GRIN2A: variants seen among roughly 807,000 people sequenced by gnomAD.
GRIN2A encodes glutamate ionotropic receptor NMDA type subunit 2A.
Under a neutral mutation model 113.4 loss-of-function variants are expected in GRIN2A, and 22 were observed. That is an observed-to-expected ratio of 0.19 (90% CI 0.14 to 0.28). GRIN2A has a LOEUF of 0.28. GRIN2A is among the 10% of genes least tolerant of loss of function. The pLI is 1.00. For synonymous variants in GRIN2A, 827 were observed against 738.4 expected, an observed-to-expected ratio of 1.12 and a Z score of -1.94; for missense variants, 1,502 against 1,887.0, an observed-to-expected ratio of 0.80 and a Z score of 3.78.
rs545431110 is a variant in GRIN2A, at chr16:10,033,048, G to A, written c.415-94497C>T. Among the ~76,000 whole-genome samples, 3 of 152,270 alleles carry A rather than the reference G, an allele frequency of 2.0e-5. No homozygotes were observed. In the South Asian group the frequency reaches 6.2e-4, roughly 32 times the overall value. On this transcript the variant is annotated intron_variant, in intron 2 of 12. Transcript: ENST00000330684. Reference sequence around the variant, plus strand: ...CAGCTGGTTTGCACCTGTGGGCAAAGTTTGCCCTGCATTCCTGGGCACGTG... The same window carrying A: ...CAGCTGGTTTGCACCTGTGGGCAAAATTTGCCCTGCATTCCTGGGCACGTG...
At chr16:10,069,674 A>G (rs992087152) in intron 2 of GRIN2A, among the ~76,000 whole-genome samples, 2 of 152,270 alleles carry the variant, frequency 1.3e-5, no homozygotes, top group Non-Finnish European at 1.5e-5. Flanking sequence ...AACAAAGTAC[A>G]TCAAGCCCAG....
At position 10,129,920 on chromosome 16, in the gene GRIN2A, G is replaced by A. The variant is rs187840833; in HGVS notation, c.414+50078C>T. Among the ~76,000 whole-genome samples, 29 of 152,374 alleles carry A rather than the reference G, an allele frequency of 1.9e-4. No homozygotes were observed. In the East Asian group the frequency reaches 3.1e-3, roughly 16 times the overall value. On this transcript the variant is annotated intron_variant, in intron 2 of 12. Coordinates refer to ENST00000330684, the MANE Select transcript of GRIN2A (RefSeq NM_001134407.3). ...AATGCAGATTTCATAAGGAGTTGCA[G>A]TGAAGGTAGAAGCATGTTTCATGGA...
intron 2 of GRIN2A, among the ~76,000 whole-genome samples, chr16:10,175,672 G>A (rs1348875689): frequency 1.3e-5 from 2 of 152,120 alleles, no homozygotes; most frequent in East Asian, 3.9e-4. Context: ...TTACACTCTG[G>A]CAGAAGACAT....
At chr16:9,876,675 C>G (rs1201682595) in intron 4 of GRIN2A, among the ~76,000 whole-genome samples, 1 of 152,172 alleles carries the variant, frequency 6.6e-6, no homozygotes, top group Non-Finnish European at 1.5e-5. Context: ...AGGCCTGGCA[C>G]TGAGTCAGTA....
In GRIN2A at chr16:10,150,843, T is replaced by A. The variant is rs902926724; in HGVS notation, c.414+29155A>T. Among the ~76,000 whole-genome samples the A allele has an allele frequency of 6.6e-6, 1 of 152,226 alleles. No homozygotes were observed. The highest frequency in any genetic ancestry group is 1.5e-5 in the Non-Finnish European group (1 of 68,038). Reference sequence around the variant, plus strand: ...AACTTATATGCTTCTTCATTCTGTTTATCATCTTGCTTCTCTGAAAGGTAA... The same window carrying A: ...AACTTATATGCTTCTTCATTCTGTTAATCATCTTGCTTCTCTGAAAGGTAA... On this transcript the variant is annotated intron_variant, in intron 2 of 12. Coordinates refer to ENST00000330684, the MANE Select transcript of GRIN2A (RefSeq NM_001134407.3).
At chr16:10,066,331 C>T (rs189260122) in intron 2 of GRIN2A, among the ~76,000 whole-genome samples, 3 of 152,306 alleles carry the variant, frequency 2.0e-5, no homozygotes, top group African/African-American at 7.2e-5. Context: ...TCCTGTCTGT[C>T]TCATCGTGTC....
intron 2 of GRIN2A, among the ~76,000 whole-genome samples, chr16:10,043,678 G>C (rs2047205703): frequency 6.6e-6 from 1 of 152,006 alleles, no homozygotes; most frequent in African/African-American, 2.4e-5. Flanking sequence ...GAACCACACA[G>C]CTTAGTGCTG....
rs113778963 is a variant in GRIN2A, at chr16:10,116,092, G to T, written c.414+63906C>A. ...CCCAAATGCCCATCAATGATAGACTGGATAAAGAAAATGTGGTACATACAT... is the reference window on the plus strand; with the variant it reads ...CCCAAATGCCCATCAATGATAGACTTGATAAAGAAAATGTGGTACATACAT... On this transcript the variant is annotated intron_variant, in intron 2 of 12. Transcript: ENST00000330684. 8.3e-3 allele frequency among the ~76,000 whole-genome samples: 1,260 copies of T among 152,222 alleles called. 23 individuals carry two copies. Among genetic ancestry groups the T allele is most frequent in the African/African-American group, 0.029 (1,210 of 41,528 alleles).
At chr16:9,920,636 G>A (rs1412965193) in intron 3 of GRIN2A, among the ~76,000 whole-genome samples, 2 of 150,046 alleles carry the variant, frequency 1.3e-5, no homozygotes, top group Admixed American at 6.7e-5. Flanking sequence ...ACAAGATCTC[G>A]GCTCACTGCA....
intron 2 of GRIN2A, among the ~76,000 whole-genome samples, chr16:10,134,284 C>T (rs1024933747): frequency 1.3e-5 from 2 of 151,774 alleles, no homozygotes; most frequent in African/African-American, 4.8e-5. Flanking sequence ...TCTCCCATCT[C>T]TGTCCTTTGA....
chr16:10,152,238 A>T (rs2049595819), intron 2 of GRIN2A, among the ~76,000 whole-genome samples: 3 of 152,334 alleles, frequency 2.0e-5, no homozygotes, highest in African/African-American at 7.2e-5. Flanking sequence ...TTAGCATCAA[A>T]GTTAGGAAGA....
chr16:9,767,220 C>T (rs1212709213), intron 12 of GRIN2A, among the ~76,000 whole-genome samples: 1 of 152,110 alleles, frequency 6.6e-6, no homozygotes, highest in Non-Finnish European at 1.5e-5. Context: ...TATGTATTTG[C>T]ACAGAACCCG....
intron 2 of GRIN2A, among the ~76,000 whole-genome samples, chr16:10,153,205 C>A (rs1453872367): frequency 6.6e-6 from 1 of 152,064 alleles, no homozygotes. Flanking sequence ...ATGTGTAGGG[C>A]AGGGGGTATT....
At chr16:9,781,351 T>C (rs980574880) in intron 11 of GRIN2A, among the ~76,000 whole-genome samples, 2 of 152,220 alleles carry the variant, frequency 1.3e-5, no homozygotes, top group African/African-American at 4.8e-5. Context: ...ACTATTACTT[T>C]AGATGGAAAC....
At chr16:10,163,501 A>G (rs576416697) in intron 2 of GRIN2A, among the ~76,000 whole-genome samples, 231 of 151,978 alleles carry the variant, frequency 1.5e-3, no homozygotes, top group African/African-American at 4.3e-3. Context: ...GATCTCGCTG[A>G]TATCCTGGCT....
chr16:9,979,522 T>G (rs183632943), intron 2 of GRIN2A, among the ~76,000 whole-genome samples: 1 of 152,260 alleles, frequency 6.6e-6, no homozygotes, highest in East Asian at 1.9e-4. Flanking sequence ...GGCCTTTTCT[T>G]GCTAGAGCAG....
intron 2 of GRIN2A, among the ~76,000 whole-genome samples, chr16:10,172,361 A>G (rs937262819): frequency 2.0e-5 from 3 of 152,184 alleles, no homozygotes; most frequent in Admixed American, 6.5e-5. Flanking sequence ...GTTATAGGAG[A>G]TTAATGATGG....
At chr16:9,768,380 A>C (rs1314015437) in intron 12 of GRIN2A, among the ~76,000 whole-genome samples, 2 of 152,226 alleles carry the variant, frequency 1.3e-5, no homozygotes, top group Non-Finnish European at 2.9e-5. Flanking sequence ...ATTAGTTACT[A>C]ATATTTAAAA....
chr16:9,905,879 C>T (rs2044019445), intron 3 of GRIN2A, among the ~76,000 whole-genome samples: 1 of 152,184 alleles, frequency 6.6e-6, no homozygotes, highest in African/African-American at 2.4e-5. Flanking sequence ...AGTGACTCTC[C>T]TTCGTCGAGG....
Sources: gnomAD v4.1 joint callset for allele counts (sites outside exome capture counted in the v4.1 genomes callset) on GRCh38, gnomAD v4.1.1 for gene constraint, MANE v1.5 for transcripts, NCBI Gene and HGNC (gene_info 2026-07-23, HGNC 2026-07-21) for gene names.